The following USP39 variants were observed in gnomAD, a reference collection of about 807,000 sequenced individuals.
USP39 encodes ubiquitin carboxyl-terminal hydrolase 39.
USP39 carries 38 observed loss-of-function variants against 66.4 expected under a neutral mutation model. That is an observed-to-expected ratio of 0.57 (90% CI 0.44 to 0.75). USP39 has a LOEUF of 0.75. USP39 is among the 30% of genes least tolerant of loss of function. The pLI is 0.00. For synonymous variants in USP39, 303 were observed against 274.6 expected (o/e 1.10, Z -1.02); for missense variants, 608 against 714.4 (o/e 0.85, Z 1.70).
chr2:85,646,007 C>A (rs1184148345), intron 11 of USP39: 4 of 152,140 alleles, frequency 2.6e-5, no homozygotes, highest in Non-Finnish European at 1.5e-5. Context: ...GCCTTACCAT[C>A]CAAAGTGGGA....
chr2:85,618,536 T>TG (rs1674185299), intron 1 of USP39, among the ~76,000 whole-genome samples: 1 of 134,016 alleles, frequency 7.5e-6, no homozygotes, highest in Non-Finnish European at 1.6e-5. Context: ...CACTCCAGCC[T>TG]GGGGGACAGA....
intron 6 of USP39, among the ~76,000 whole-genome samples, chr2:85,634,447 G>A (rs537162822): frequency 2.0e-5 from 3 of 152,226 alleles, no homozygotes; most frequent in Admixed American, 1.3e-4. Flanking sequence ...GATGGCACAC[G>A]CCTGTAGTCC....
At chr2:85,603,590 TTTTTC>T (rs1055500393) in intron 1 of USP39, among the ~76,000 whole-genome samples, 1 of 151,360 alleles carries the variant, frequency 6.6e-6, no homozygotes, top group Non-Finnish European at 1.5e-5. Flanking sequence ...TTACTTTTTC[TTTTTC>T]TTTTTTTTTT....
chr2:85,635,413 A>G (rs546681263), intron 6 of USP39, among the ~76,000 whole-genome samples: 1 of 152,284 alleles, frequency 6.6e-6, no homozygotes, highest in East Asian at 1.9e-4. Context: ...TACAAAAATT[A>G]GCTGGGCATG....
intron 4 of USP39, 62 bp from the exon 5 acceptor site, chr2:85,625,477 G>C (rs2104270412): frequency 6.2e-7 from 1 of 1,600,202 alleles, no homozygotes; most frequent in Non-Finnish European, 8.5e-7. Flanking sequence ...AGAAATTACT[G>C]TTACAGACAT....
intron 4 of USP39, 64 bp from the exon 5 acceptor site, chr2:85,625,463 TTGTAGAAATTAC>T: frequency 6.3e-7 from 1 of 1,584,916 alleles, no homozygotes; most frequent in South Asian, 1.1e-5. Context: ...TTTTTTGTTT[TTGTAGAAATTAC>T]TGTTACAGAC....
At chr2:85,629,656 C>T (rs1280361465) in intron 5 of USP39, among the ~76,000 whole-genome samples, 2 of 150,906 alleles carry the variant, frequency 1.3e-5, no homozygotes, top group African/African-American at 4.9e-5. Flanking sequence ...GCCACCATGC[C>T]CTGCTAATTT....
chr2:85,619,108 A>G, intron 1 of USP39, 112 bp from the exon 2 acceptor site: 4 of 1,251,146 alleles, frequency 3.2e-6, no homozygotes, highest in Non-Finnish European at 4.6e-6. Context: ...CACCCAAACA[A>G]TAGGAACTCA....
intron 5 of USP39, among the ~76,000 whole-genome samples, chr2:85,629,407 C>A (rs1173556191): frequency 6.6e-6 from 1 of 152,054 alleles, no homozygotes; most frequent in African/African-American, 2.4e-5. Context: ...TGTGTTTCTT[C>A]CTGAAATTAA....
At chr2:85,611,682 A>G (rs1040001165), upstream of USP39, 1 of 1,569,768 alleles carries the variant, frequency 6.4e-7, no homozygotes, top group East Asian at 2.4e-5. Context: ...GTGTCGCGGC[A>G]GGTACACCTG....
At chr2:85,618,620 A>G (rs913893755) in intron 1 of USP39, among the ~76,000 whole-genome samples, 1 of 151,904 alleles carries the variant, frequency 6.6e-6, no homozygotes, top group Non-Finnish European at 1.5e-5. Context: ...TTTGTATTAC[A>G]ATTAGTTTAT....
intron 11 of USP39, among the ~76,000 whole-genome samples, chr2:85,646,883 C>CT (rs773751290): frequency 0.13 from 13,646 of 108,478 alleles, 1,158 homozygotes; most frequent in African/African-American, 0.21. Context: ...TGACCTGTTG[C>CT]TTTTTTTTTT....
At chr2:85,615,031 T>C (rs955132669), upstream of USP39, among the ~76,000 whole-genome samples, 2 of 138,156 alleles carry the variant, frequency 1.4e-5, no homozygotes, top group Non-Finnish European at 3.3e-5. Context: ...TGTGGTGTGG[T>C]GTGGGTATGA....
chr2:85,637,879 T>C (rs965484105), intron 8 of USP39, among the ~76,000 whole-genome samples: 7 of 151,976 alleles, frequency 4.6e-5, no homozygotes, highest in African/African-American at 1.7e-4. Context: ...TATTTTTAGT[T>C]GTGACGGGGC....
chr2:85,628,773 T>G (rs2104287202), intron 5 of USP39, among the ~76,000 whole-genome samples: 1 of 152,298 alleles, frequency 6.6e-6, no homozygotes, highest in African/African-American at 2.4e-5. Context: ...ATCTCTCTTT[T>G]TAGTAATTAT....
At chr2:85,629,518 C>T (rs1256990645) in intron 5 of USP39, among the ~76,000 whole-genome samples, 3 of 139,356 alleles carry the variant, frequency 2.2e-5, no homozygotes, top group Non-Finnish European at 4.7e-5. Context: ...TTTTTTGAGA[C>T]GGAGTTTTGC....
At chr2:85,611,827 G>T, upstream of USP39, 1 of 1,605,288 alleles carries the variant, frequency 6.2e-7, no homozygotes, top group Non-Finnish European at 8.5e-7. Flanking sequence ...GTCGGGCCGG[G>T]CCAGGCCAGG....
At chr2:85,640,477 T>TGCG (rs1482741090) in intron 9 of USP39, among the ~76,000 whole-genome samples, 4 of 151,198 alleles carry the variant, frequency 2.6e-5, no homozygotes, top group African/African-American at 9.7e-5. Context: ...TTAGTAGAGA[T>TGCG]GCGGTTTCAC....
At chr2:85,646,883 CTTTTTT>C (rs773751290) in intron 11 of USP39, among the ~76,000 whole-genome samples, 1 of 108,532 alleles carries the variant, frequency 9.2e-6, no homozygotes. Context: ...TGACCTGTTG[CTTTTTT>C]TTTTTTTTTT....
Sources: allele counts gnomAD v4.1 joint callset (sites outside exome capture counted in the v4.1 genomes callset), GRCh38; gene constraint gnomAD v4.1.1; transcripts MANE v1.5; gene names NCBI Gene and HGNC (gene_info 2026-07-23, HGNC 2026-07-21).